GLRX3: variants seen among roughly 807,000 people sequenced by gnomAD.
The protein encoded by GLRX3 is glutaredoxin 3.
GLRX3 carries 22 observed loss-of-function variants against 49.5 expected under a neutral mutation model. That is an observed-to-expected ratio of 0.44 (90% CI 0.32 to 0.63). The LOEUF is 0.63. Among genes scored for constraint, GLRX3 ranks in the 30% least tolerant of loss-of-function variants. GLRX3 has a pLI of 0.05. For missense variants in GLRX3, 385 were observed against 396.3 expected (o/e 0.97, Z 0.24); for synonymous variants, 133 against 140.0 (o/e 0.95, Z 0.35).
chr10:130,156,784 G>A (rs1253750305), intron 2 of GLRX3, among the ~76,000 whole-genome samples: 1 of 152,206 alleles, frequency 6.6e-6, no homozygotes, highest in Admixed American at 6.5e-5. Context: ...CATAGCAGGT[G>A]GGACTGGTCC....
intron 10 of GLRX3, 32 bp downstream of exon 10, chr10:130,175,121 C>A: frequency 8.3e-7 from 1 of 1,209,140 alleles, no homozygotes; most frequent in Non-Finnish European, 1.2e-6. Flanking sequence ...TTCTAAAGAA[C>A]GGAAAAGATT....
At chr10:130,137,010 C>T (rs895379947) in intron 1 of GLRX3, among the ~76,000 whole-genome samples, 2 of 152,392 alleles carry the variant, frequency 1.3e-5, no homozygotes, top group East Asian at 1.9e-4. Flanking sequence ...GCTCTTCAGC[C>T]TCCCTTCAGG....
chr10:130,166,394 T>G (rs1862687909), intron 4 of GLRX3, 113 bp from the exon 5 acceptor site: 1 of 682,326 alleles, frequency 1.5e-6, no homozygotes, highest in South Asian at 2.1e-5. Flanking sequence ...ACCAGCAAAA[T>G]AAGGCAGGCG....
chr10:130,162,024 T>C (rs1862584707), intron 4 of GLRX3, among the ~76,000 whole-genome samples: 1 of 152,232 alleles, frequency 6.6e-6, no homozygotes, highest in Non-Finnish European at 1.5e-5. Flanking sequence ...TTGCCCAGGT[T>C]GGAGTGCAAT....
At position 130,179,464 on chromosome 10, in the gene GLRX3, C is replaced by A; in HGVS notation, c.*72C>A. ...CATTGGGAGCAGTTCATGATTTAGT[C>A]CTCAGAAATGGACTAGGAATAGAAA... is the stretch of plus-strand genomic sequence containing the variant. On this transcript the variant is annotated 3_prime_UTR_variant, in exon 11 of 11. Transcript: ENST00000331244. 1.3e-6 allele frequency: 1 copy of A among 787,402 alleles called. No homozygotes were observed. Among genetic ancestry groups the A allele is most frequent in the Non-Finnish European group, 2.1e-6 (1 of 472,204 alleles). 48.8% of individuals were successfully genotyped at this position (787,402 alleles called of 1,614,324 possible).
At chr10:130,165,534 A>T (rs569090507) in intron 4 of GLRX3, among the ~76,000 whole-genome samples, 1 of 152,226 alleles carries the variant, frequency 6.6e-6, no homozygotes, top group South Asian at 2.1e-4. Context: ...GTTTTAAAAA[A>T]GAAACTGTCA....
Position 130,166,961 on chromosome 10 carries a change from G to C in GLRX3, c.694G>C (p.Ala232Pro). 17 of 1,590,996 alleles carry C rather than the reference G, an allele frequency of 1.1e-5. No individual in the cohort carries two copies. Among genetic ancestry groups the C allele is most frequent in the Non-Finnish European group, 1.4e-5 (16 of 1,165,770 alleles). The change falls in exon 6 of 11, where the codon GCT (alanine) becomes CCT (proline). Residue 232 changes from alanine to proline, a missense_variant. Physicochemically the swap from Ala to Pro is conservative, Grantham distance 27. Coordinates refer to ENST00000331244, the MANE Select transcript of GLRX3 (RefSeq NM_006541.5). ...SEELDTICPK[A>P]PKLEERLKVL... ...AGAACTAGATACAATTTGTCCCAAA[G>C]CTCCCAAATTAGAGGAAAGGTAAGT...
At chr10:130,154,081 G>C (rs370351946) in intron 2 of GLRX3, among the ~76,000 whole-genome samples, 1 of 152,230 alleles carries the variant, frequency 6.6e-6, no homozygotes, top group Non-Finnish European at 1.5e-5. Context: ...GTCCTAGGTC[G>C]ATCTCAGACT....
chr10:130,145,889 G>C (rs1435251980), intron 2 of GLRX3, among the ~76,000 whole-genome samples: 2 of 151,850 alleles, frequency 1.3e-5, no homozygotes, highest in Admixed American at 1.3e-4. Context: ...TGCCTCCCCG[G>C]TTTAAGCGAT....
intron 1 of GLRX3, among the ~76,000 whole-genome samples, chr10:130,139,864 A>G (rs1462935924): frequency 1.3e-5 from 2 of 152,174 alleles, no homozygotes; most frequent in East Asian, 1.9e-4. Context: ...AGGAGTTCCA[A>G]GCTGCGGTGA....
rs201414830 is a variant in GLRX3, at chr10:130,145,299, C to G, written c.181C>G (p.Pro61Ala). Residue 61 changes from proline to alanine, a missense_variant, in exon 2 of 11, where the codon CCT becomes GCT. Pro to Ala is a conservative substitution (Grantham distance 27). This residue lies in a region of GLRX3 where 374 missense variants were observed against 358.6 expected (regional missense o/e 1.04). Transcript: ENST00000331244. ...EVMAELAKEL[P>A]QVSFVKLEAE... ...TATGGCAGAGTTAGCTAAAGAACTCCCTCAAGTTTCATTTGTGAAGGTATT... is the reference window on the plus strand; with the variant it reads ...TATGGCAGAGTTAGCTAAAGAACTCGCTCAAGTTTCATTTGTGAAGGTATT... The G allele has an allele frequency of 2.1e-6, 3 of 1,450,660 alleles. No homozygotes were observed. The highest frequency in any genetic ancestry group is 2.9e-6 in the Non-Finnish European group (3 of 1,031,470). The allele number at this position is 1,450,660 out of a possible 1,614,324, so 89.9% of individuals were successfully genotyped here. A position where few individuals can be genotyped will look rare whatever the true frequency, so the allele number is the denominator to read the frequency against.
chr10:130,142,070 T>C (rs796832130), intron 1 of GLRX3, among the ~76,000 whole-genome samples: 54 of 152,262 alleles, frequency 3.5e-4, no homozygotes, highest in African/African-American at 1.3e-3. Context: ...TACTCAACCA[T>C]TGAAGCTGCT....
intron 2 of GLRX3, among the ~76,000 whole-genome samples, chr10:130,149,993 C>CT: frequency 6.7e-6 from 1 of 148,710 alleles, no homozygotes; most frequent in East Asian, 2.0e-4. Context: ...AATCCCAGCA[C>CT]TTTGGGAGGC....
At chr10:130,162,444 G>C (rs1862593229) in intron 4 of GLRX3, among the ~76,000 whole-genome samples, 1 of 152,134 alleles carries the variant, frequency 6.6e-6, no homozygotes, top group African/African-American at 2.4e-5. Context: ...TTTTTAACGG[G>C]GGTTGCAAAT....
At chr10:130,141,308 A>G (rs1478244097) in intron 1 of GLRX3, among the ~76,000 whole-genome samples, 1 of 152,192 alleles carries the variant, frequency 6.6e-6, no homozygotes, top group African/African-American at 2.4e-5. Context: ...AAAAGAAAAA[A>G]AAAATTTTTT....
intron 8 of GLRX3, among the ~76,000 whole-genome samples, chr10:130,172,995 G>C (rs1862842878): frequency 6.6e-6 from 1 of 152,226 alleles, no homozygotes; most frequent in South Asian, 2.1e-4. Context: ...ATAGAAGCAA[G>C]TATAGTCAGT....
At chr10:130,159,841 C>A in intron 2 of GLRX3, 154 bp from the exon 3 acceptor site, 1 of 1,356,516 alleles carries the variant, frequency 7.4e-7, no homozygotes, top group South Asian at 1.8e-5. Flanking sequence ...CCCAGTGAGT[C>A]TCATTTAAAT....
In GLRX3 at chr10:130,150,252, AAAAG is replaced by A. The variant is rs1295826260; in HGVS notation, c.201+4945_201+4948del. Among the ~76,000 whole-genome samples the A allele has an allele frequency of 4.0e-3, 602 of 151,600 alleles. 1 individual carries two copies. Among genetic ancestry groups the A allele is most frequent in the Middle Eastern group, 0.014 (4 of 294 alleles). ...AAGACTCCATCTCAAAAAAAAAAAA[AAAAG>A]AAAGAAAGAAAAAGAAAAAAATGAC... On this transcript the variant is annotated intron_variant, in intron 2 of 10. Coordinates refer to ENST00000331244, the MANE Select transcript of GLRX3 (RefSeq NM_006541.5).
chr10:130,142,129 A>G (rs1290677851), intron 1 of GLRX3, among the ~76,000 whole-genome samples: 7 of 152,050 alleles, frequency 4.6e-5, no homozygotes, highest in Admixed American at 3.9e-4. Flanking sequence ...GGCTCCTACA[A>G]TGTGTCCTTC....
Sources: gnomAD v4.1 joint callset for allele counts (sites outside exome capture counted in the v4.1 genomes callset) on GRCh38, gnomAD v4.1.1 for gene constraint, gnomAD v4.1.1 regional missense constraint, MANE v1.5 for transcripts, NCBI Gene and HGNC (gene_info 2026-07-23, HGNC 2026-07-21) for gene names.